Variants in ZBTB7C observed in about 807,000 individuals in gnomAD.
ZBTB7C encodes zinc finger and BTB domain containing 7C, also known as zinc finger and BTB domain-containing protein 7C.
A neutral mutation model predicts 25.7 loss-of-function variants in ZBTB7C; 8 were observed. The observed-to-expected ratio is 0.31, with a 90% CI of 0.18 to 0.56. The LOEUF is 0.56. Among genes scored for constraint, ZBTB7C ranks in the 20% least tolerant of loss-of-function variants. ZBTB7C has a pLI of 0.91. For synonymous variants in ZBTB7C, 394 were observed against 369.0 expected (o/e 1.07, Z -0.78); for missense variants, 824 against 855.2 (o/e 0.96, Z 0.46).
At chr18:48,350,336 G>A (rs370752178) in intron 1 of ZBTB7C, among the ~76,000 whole-genome samples, 86 of 152,240 alleles carry the variant, frequency 5.6e-4, no homozygotes, top group African/African-American at 1.9e-3. Context: ...TTCCTCCATC[G>A]TCAAAGCTAG....
At chr18:48,399,799 T>A (rs777335379) in intron 1 of ZBTB7C, among the ~76,000 whole-genome samples, 1 of 151,956 alleles carries the variant, frequency 6.6e-6, no homozygotes, top group Non-Finnish European at 1.5e-5. Context: ...AAACCCCAAA[T>A]CCCCACTCAC....
intron 3 of ZBTB7C, among the ~76,000 whole-genome samples, chr18:48,055,271 A>G (rs1362820869): frequency 2.6e-5 from 4 of 151,948 alleles, no homozygotes; most frequent in Non-Finnish European, 4.4e-5. Context: ...TTAGCTGGGC[A>G]TGGTGGCAGG....
chr18:48,225,079 G>A (rs148089363), intron 2 of ZBTB7C, among the ~76,000 whole-genome samples: 180 of 152,272 alleles, frequency 1.2e-3, no homozygotes, highest in African/African-American at 4.2e-3. Context: ...AGGTGGCTTG[G>A]CATCTGCTGT....
chr18:48,367,175 T>TATATATATATA (rs2047242433), intron 1 of ZBTB7C, among the ~76,000 whole-genome samples: 19 of 62,244 alleles, frequency 3.1e-4, no homozygotes, highest in African/African-American at 1.4e-3. Flanking sequence ...TCCCCAAGTT[T>TATATATATATA]TATATATATA....
intron 3 of ZBTB7C, among the ~76,000 whole-genome samples, chr18:48,176,721 A>G (rs975352271): frequency 2.6e-5 from 4 of 152,232 alleles, no homozygotes; most frequent in Non-Finnish European, 5.9e-5. Flanking sequence ...ATACAAGGAT[A>G]TTCTTTGGAT....
intron 2 of ZBTB7C, among the ~76,000 whole-genome samples, chr18:48,238,955 C>A (rs1176474375): frequency 6.6e-6 from 1 of 152,134 alleles, no homozygotes; most frequent in Non-Finnish European, 1.5e-5. Flanking sequence ...GTTGGTGGGG[C>A]ACGGTGGGAG....
chr18:48,215,113 G>A (rs1248348025), intron 2 of ZBTB7C, among the ~76,000 whole-genome samples: 1 of 152,190 alleles, frequency 6.6e-6, no homozygotes, highest in African/African-American at 2.4e-5. Flanking sequence ...CCAGGTTCTA[G>A]GTTAAAAAGA....
chr18:48,113,662 T>A (rs2039324732), intron 3 of ZBTB7C, among the ~76,000 whole-genome samples: 1 of 151,094 alleles, frequency 6.6e-6, no homozygotes, highest in Non-Finnish European at 1.5e-5. Context: ...ATGAAACATG[T>A]GCAAACGATG....
rs76773636 is a variant in ZBTB7C at position 48,341,190 on chromosome 18, C to T, written c.-303-2792G>A. ...TGATTTTGGATTTATCATGTTGTTC[C>T]CAGGAGATACAAAGACAATATCTGT... is the stretch of plus-strand genomic sequence containing the variant. On this transcript the variant is annotated intron_variant, in intron 1 of 4. Transcript: ENST00000590800. Among the ~76,000 whole-genome samples, 1,181 of 152,278 alleles carry T rather than the reference C, an allele frequency of 7.8e-3. 10 individuals carry two copies. The highest frequency in any genetic ancestry group is 0.01 in the Non-Finnish European group (707 of 68,026).
rs563996417 is a variant in ZBTB7C, at chr18:48,408,875, G to A, written c.-304+351C>T. Among the ~76,000 whole-genome samples, 352 of 151,324 alleles carry A rather than the reference G, an allele frequency of 2.3e-3. 1 individual carries two copies. The highest frequency in any genetic ancestry group is 4.1e-3 in the Non-Finnish European group (281 of 67,784). Reference sequence around the variant, plus strand: ...CGGGCCGCGGTGCCAGCCAGGAGGCGCGGCGCCCGCTCGCTGGCTCGCTCT... The same window carrying A: ...CGGGCCGCGGTGCCAGCCAGGAGGCACGGCGCCCGCTCGCTGGCTCGCTCT... On this transcript the variant is annotated intron_variant, in intron 1 of 4. Coordinates refer to ENST00000590800, the MANE Select transcript of ZBTB7C (RefSeq NM_001318841.2).
intron 1 of ZBTB7C, among the ~76,000 whole-genome samples, chr18:48,347,287 G>C (rs1380506924): frequency 6.7e-6 from 1 of 148,468 alleles, no homozygotes; most frequent in Admixed American, 6.7e-5. Context: ...GACCTCAAGT[G>C]ATCGGCCTCC....
chr18:48,062,878 C>T (rs2037176604), intron 3 of ZBTB7C, among the ~76,000 whole-genome samples: 1 of 152,216 alleles, frequency 6.6e-6, no homozygotes, highest in African/African-American at 2.4e-5. Flanking sequence ...AGCTCTTAGG[C>T]ATGGCCAAGA....
intron 2 of ZBTB7C, among the ~76,000 whole-genome samples, chr18:48,275,324 G>A (rs970156811): frequency 4.6e-5 from 7 of 152,320 alleles, no homozygotes; most frequent in Admixed American, 4.6e-4. Context: ...AGAAGCCAGC[G>A]CTGCTGCGTT....
intron 2 of ZBTB7C, among the ~76,000 whole-genome samples, chr18:48,253,679 C>G (rs1361730387): frequency 6.6e-6 from 1 of 152,098 alleles, no homozygotes; most frequent in African/African-American, 2.4e-5. Flanking sequence ...GGGCTCCCCT[C>G]AAGTAATCAT....
intron 3 of ZBTB7C, among the ~76,000 whole-genome samples, chr18:48,110,105 A>G: frequency 6.6e-6 from 1 of 152,214 alleles, no homozygotes. Flanking sequence ...TATTGAATTT[A>G]TGGTGATGAT....
At chr18:48,375,230 G>C (rs912285373) in intron 1 of ZBTB7C, among the ~76,000 whole-genome samples, 1 of 152,198 alleles carries the variant, frequency 6.6e-6, no homozygotes, top group Non-Finnish European at 1.5e-5. Flanking sequence ...ACCCAGATGT[G>C]GGGGAAACCC....
At chr18:48,167,563 GGTGTGTGTGTGTGT>G (rs748451365) in intron 3 of ZBTB7C, among the ~76,000 whole-genome samples, 3 of 142,484 alleles carry the variant, frequency 2.1e-5, no homozygotes, top group East Asian at 2.1e-4. Flanking sequence ...GCATTGCTAG[GGTGTGTGTGTGTGT>G]GTGTGTGTGT....
intron 3 of ZBTB7C, among the ~76,000 whole-genome samples, chr18:48,163,329 T>G (rs2041134216): frequency 1.3e-5 from 2 of 152,198 alleles, no homozygotes; most frequent in Non-Finnish European, 2.9e-5. Context: ...AATAGTGGGC[T>G]GGTCAGATGC....
intron 2 of ZBTB7C, among the ~76,000 whole-genome samples, chr18:48,236,381 T>C (rs2043378425): frequency 6.6e-6 from 1 of 152,204 alleles, no homozygotes; most frequent in African/African-American, 2.4e-5. Context: ...TTTTAGCCCA[T>C]GAGAAGTGTT....
Sources: gnomAD v4.1 joint callset for allele counts (sites outside exome capture counted in the v4.1 genomes callset) on GRCh38, gnomAD v4.1.1 for gene constraint, MANE v1.5 for transcripts, NCBI Gene and HGNC (gene_info 2026-07-23, HGNC 2026-07-21) for gene names.